Variants in CDH16 observed in about 807,000 individuals in gnomAD.
CDH16 encodes cadherin 16.
CDH16 carries 79 observed loss-of-function variants against 87.6 expected under a neutral mutation model. That is an observed-to-expected ratio of 0.90 (90% CI 0.75 to 1.09). CDH16 has a LOEUF of 1.09. CDH16 is among the 50% of genes least tolerant of loss of function. CDH16 has a pLI of 0.00. For missense variants in CDH16, 1,124 were observed against 1,071.7 expected (o/e 1.05, Z -0.68); for synonymous variants, 457 against 439.5 (o/e 1.04, Z -0.50).
rs1596972978 is a variant in CDH16 at position 66,911,017 on chromosome 16, A to G, written c.1924+165T>C. 4 of 619,166 alleles carry G rather than the reference A, an allele frequency of 6.5e-6. No individual in the cohort carries two copies. The South Asian group carries it at 9.1e-5, about 14-fold the overall frequency. The allele number at this position is 619,166 out of a possible 1,614,324, so 38.4% of individuals were successfully genotyped here. Reference sequence around the variant, plus strand: ...TGCCAGACTTGCCCACCGGAGGAGTAGATCCATTCTCAGAGAGGAACATTG... The same window carrying G: ...TGCCAGACTTGCCCACCGGAGGAGTGGATCCATTCTCAGAGAGGAACATTG... On this transcript the variant is annotated intron_variant, in intron 14 of 17. Transcript: ENST00000299752.
At position 66,916,521 on chromosome 16, in the gene CDH16, A is replaced by G; in HGVS notation, c.130-92T>C. 1 of 1,397,064 alleles carries G rather than the reference A, an allele frequency of 7.2e-7. No individual in the cohort carries two copies. Among genetic ancestry groups the G allele is most frequent in the Non-Finnish European group, 9.5e-7 (1 of 1,050,014 alleles). The allele number at this position is 1,397,064 out of a possible 1,614,324, so 86.5% of individuals were successfully genotyped here. A position where few individuals can be genotyped will look rare whatever the true frequency, so the allele number is the denominator to read the frequency against. On this transcript the variant is annotated intron_variant, in intron 3 of 17. Transcript: ENST00000299752. The surrounding 1 kb of genome is among the most constrained non-coding windows in gnomAD (Gnocchi z 4.1). ...ATGGCCTCATTTTACATGTGGGGAA[A>G]CTGAGTCTCAGAGACATCTGGCTCC...
In CDH16 at chr16:66,914,360, C is replaced by T. The variant is rs764110899; in HGVS notation, c.636G>A (p.Gln212=). Residue 212 remains glutamine, a synonymous_variant, in exon 7 of 18, where the codon CAG becomes CAA. Transcript: ENST00000299752. ...ALERTYQLLV[Q]VKDMGDQASG... is the part of the protein sequence containing the mutation. ...AGGCCTGGTCACCCATGTCCTTGACCTGTACCAACAGCTGGTAGGTCCTCT... is the reference window on the plus strand; with the variant it reads ...AGGCCTGGTCACCCATGTCCTTGACTTGTACCAACAGCTGGTAGGTCCTCT... The T allele has an allele frequency of 1.9e-6, 3 of 1,614,190 alleles. No homozygotes were observed. Among genetic ancestry groups the T allele is most frequent in the Non-Finnish European group, 2.5e-6 (3 of 1,180,034 alleles).
At position 66,909,400 on chromosome 16, in the gene CDH16, G is replaced by A. The variant is rs751997426; in HGVS notation, c.2276-17C>T. 1.9e-5 allele frequency: 28 copies of A among 1,464,482 alleles called. No homozygotes were observed. In the East Asian group the frequency reaches 5.8e-4, roughly 30 times the overall value. 90.7% of individuals were successfully genotyped at this position (1,464,482 alleles called of 1,614,324 possible). A position where few individuals can be genotyped will look rare whatever the true frequency, so the allele number is the denominator to read the frequency against. ...ACACGATCACTGAGGGGAGAGGGGA[G>A]GAAGGTAAGGGGAGGGAGGGGAGGG... On this transcript the variant is annotated splice_polypyrimidine_tract_variant and intron_variant, in intron 16 of 17. Coordinates refer to ENST00000299752, the MANE Select transcript of CDH16 (RefSeq NM_004062.4). The surrounding 1 kb of genome is among the most constrained non-coding windows in gnomAD (Gnocchi z 4.1).
intron 5 of CDH16, 117 bp from the exon 6 acceptor site, chr16:66,915,495 G>A (rs573293364): frequency 3.0e-5 from 35 of 1,148,964 alleles, no homozygotes; most frequent in Admixed American, 8.4e-5. Flanking sequence ...TCAGGACTCC[G>A]GAGATGAGCC....
Position 66,913,157 on chromosome 16 carries a change from A to T in CDH16, c.1028T>A (p.Val343Asp). The T allele has an allele frequency of 6.2e-7, 1 of 1,609,948 alleles. No individual in the cohort carries two copies. The highest frequency in any genetic ancestry group is 8.5e-7 in the Non-Finnish European group (1 of 1,178,146). Reference sequence around the variant, plus strand: ...TGGTGGACTGAGCTCAGGGATGCTGACTGTGGGGTCACGGGGAGGGCAGAT... The same window carrying T: ...TGGTGGACTGAGCTCAGGGATGCTGTCTGTGGGGTCACGGGGAGGGCAGAT... ...VPICPPRDPT[V>D]SIPELSPPGT... is the part of the protein sequence containing the mutation. Residue 343 changes from valine to aspartate, a missense_variant, in exon 9 of 18, where the codon GTC becomes GAC. Transcript: ENST00000299752.
Position 66,916,421 on chromosome 16 carries a change from C to A in CDH16, c.138G>T (p.Leu46=). Residue 46 remains leucine, a synonymous_variant, in exon 4 of 18, where the codon CTG becomes CTT. Coordinates refer to ENST00000299752, the MANE Select transcript of CDH16 (RefSeq NM_004062.4). The surrounding 1 kb of genome is among the most constrained non-coding windows in gnomAD (Gnocchi z 4.1). The part of the protein sequence containing the change: ...NFPLYLTKLP[L]PREGAEGQIV... ...TCTGGCCTTCAGCCCCCTCACGGGG[C>A]AGCGGCAACTGATGGAAATGAACAG... is the stretch of plus-strand genomic sequence containing the variant. 13 of 1,599,636 alleles carry A rather than the reference C, an allele frequency of 8.1e-6. No homozygotes were observed. Among genetic ancestry groups the A allele is most frequent in the Non-Finnish European group, 1.1e-5 (13 of 1,171,194 alleles).
At chr16:66,912,637 G>A (rs1243960742) in intron 10 of CDH16, 27 bp downstream of exon 10, 5 of 1,613,720 alleles carry the variant, frequency 3.1e-6, no homozygotes, top group Non-Finnish European at 4.2e-6. Context: ...GGGACAGGGG[G>A]CCTGGGTCAC....
At chr16:66,918,145 A>T in intron 1 of CDH16, 67 bp from the exon 2 acceptor site, 2 of 1,097,322 alleles carry the variant, frequency 1.8e-6, no homozygotes, top group Non-Finnish European at 2.6e-6. Context: ...CCACACACAC[A>T]ACTAGTGGGA....
intron 7 of CDH16, 87 bp from the exon 8 acceptor site, chr16:66,913,700 C>G: frequency 6.5e-7 from 1 of 1,544,302 alleles, no homozygotes; most frequent in South Asian, 1.2e-5. Context: ...GAGCCTGAGC[C>G]CAACTGTGTG....
At position 66,917,702 on chromosome 16, in the gene CDH16, T is replaced by C; in HGVS notation, c.69A>G (p.Ala23=). ...TTTCTGGAACTTCCACAGACAGCTC[T>C]GCAGGCTGGGCCTTGGGGAGAGCCT... is the stretch of plus-strand genomic sequence containing the variant. ...VPQALPKAQP[A]ELSVEVPENY... is the part of the protein sequence containing the mutation. The change falls in exon 3 of 18, where the codon GCA becomes GCG. Residue 23 remains alanine, a synonymous_variant. Coordinates refer to ENST00000299752, the MANE Select transcript of CDH16 (RefSeq NM_004062.4). 6.2e-7 allele frequency: 1 copy of C among 1,612,986 alleles called. No individual in the cohort carries two copies.
chr16:66,913,812 C>A (rs538676020), intron 7 of CDH16, among the ~76,000 whole-genome samples, 199 bp from the exon 8 acceptor site: 1 of 152,326 alleles, frequency 6.6e-6, no homozygotes, highest in African/African-American at 2.4e-5. Context: ...AAGCCTGGAC[C>A]CTGCCCAAAG....
rs1468718290 is a variant in CDH16 at position 66,913,149 on chromosome 16, G to A, written c.1036C>T (p.Pro346Ser). Residue 346 changes from proline to serine, a missense_variant, in exon 9 of 18, where the codon CCT (proline) becomes TCT (serine). By Grantham distance (74) the Pro-to-Ser change is moderately conservative. Coordinates refer to ENST00000299752, the MANE Select transcript of CDH16 (RefSeq NM_004062.4). ...AGCTCACCTGGTGGACTGAGCTCAGGGATGCTGACTGTGGGGTCACGGGGA... is the reference window on the plus strand; with the variant it reads ...AGCTCACCTGGTGGACTGAGCTCAGAGATGCTGACTGTGGGGTCACGGGGA... The part of the protein sequence containing the change: ...CPPRDPTVSI[P>S]ELSPPGTEVT... 6.2e-7 allele frequency: 1 copy of A among 1,609,624 alleles called. No homozygotes were observed. Among genetic ancestry groups the A allele is most frequent in the Non-Finnish European group, 8.5e-7 (1 of 1,178,054 alleles).
intron 15 of CDH16, 33 bp downstream of exon 15, chr16:66,910,227 G>A: frequency 6.4e-7 from 1 of 1,566,246 alleles, no homozygotes; most frequent in Non-Finnish European, 8.7e-7. Flanking sequence ...CCCTGCCTTG[G>A]CCACAGCCTC....
intron 9 of CDH16, 99 bp downstream of exon 9, chr16:66,913,032 G>A: frequency 7.3e-7 from 1 of 1,362,332 alleles, no homozygotes; most frequent in Non-Finnish European, 1.0e-6. Flanking sequence ...GTTATGGAGG[G>A]ACATTGACAT....
In CDH16 at chr16:66,916,451, G is replaced by C. The variant is rs563654202; in HGVS notation, c.130-22C>G. The C allele has an allele frequency of 1.5e-4, 242 of 1,567,926 alleles. 1 individual carries two copies. In the South Asian group the frequency reaches 2.7e-3, roughly 18 times the overall value. On this transcript the variant is annotated intron_variant, in intron 3 of 17. Coordinates refer to ENST00000299752, the MANE Select transcript of CDH16 (RefSeq NM_004062.4). The surrounding 1 kb of genome is among the most constrained non-coding windows in gnomAD (Gnocchi z 4.1). ...GCAACTGATGGAAATGAACAGAAGT[G>C]AAGGGAGCGGTGGCCAGGCCTGGGA...
Position 66,914,353 on chromosome 16 carries a change from C to G in CDH16, c.643G>C (p.Asp215His). 1 of 1,614,208 alleles carries G rather than the reference C, an allele frequency of 6.2e-7. No homozygotes were observed. Among genetic ancestry groups the G allele is most frequent in the Middle Eastern group, 1.6e-4 (1 of 6,062 alleles). Residue 215 changes from aspartate (D) to histidine (H), a missense_variant, in exon 7 of 18, where the codon GAC becomes CAC. Physicochemically the swap from Asp to His is moderately conservative, Grantham distance 81. Transcript: ENST00000299752. Reference protein sequence around the residue: ...RTYQLLVQVKDMGDQASGHQA... With the variant: ...RTYQLLVQVKHMGDQASGHQA... ...TGGCCTGAGGCCTGGTCACCCATGTCCTTGACCTGTACCAACAGCTGGTAG... is the reference window on the plus strand; with the variant it reads ...TGGCCTGAGGCCTGGTCACCCATGTGCTTGACCTGTACCAACAGCTGGTAG...
rs1567530560 is a variant in CDH16, at chr16:66,910,296, T to G, written c.2131A>C (p.Thr711Pro). ...PYSFTLGPNP[T>P]VQRDWRLQTL... Reference sequence around the variant, plus strand: ...TGGAGGCGCCAATCCCGTTGCACCGTGGGGTTGGGACCAAGGGTGAAGCTG... The same window carrying G: ...TGGAGGCGCCAATCCCGTTGCACCGGGGGGTTGGGACCAAGGGTGAAGCTG... Residue 711 changes from threonine (T) to proline (P), a missense_variant, in exon 15 of 18, where the codon ACG becomes CCG. By Grantham distance (38) the Thr-to-Pro change is conservative. Transcript: ENST00000299752. 6.2e-7 allele frequency: 1 copy of G among 1,612,002 alleles called. No individual in the cohort carries two copies. Among genetic ancestry groups the G allele is most frequent in the African/African-American group, 1.3e-5 (1 of 74,966 alleles).
At chr16:66,917,383 T>A (rs1301066505) in intron 3 of CDH16, among the ~76,000 whole-genome samples, 1 of 152,158 alleles carries the variant, frequency 6.6e-6, no homozygotes, top group Non-Finnish European at 1.5e-5. Context: ...CTATCTAGAT[T>A]TGGGTTCCAT....
chr16:66,912,074 C>A lies in CDH16; in HGVS notation c.1615G>T (p.Val539Leu), dbSNP rs1252192548. 6.2e-7 allele frequency: 1 copy of A among 1,614,058 alleles called. No individual in the cohort carries two copies. Among genetic ancestry groups the A allele is most frequent in the Admixed American group, 1.7e-5 (1 of 60,034 alleles). ...GCTCCAGGGCCTGGGCCTGGCCCCA[C>A]CAGCTTCGCCACACTCTGCACCACC... ...VVVVQSVAKL[V>L]GPGPGPGATA... The change falls in exon 13 of 18, where the codon GTG (valine) becomes TTG (leucine). Residue 539 changes from valine to leucine, a missense_variant. Physicochemically the swap from Val to Leu is conservative, Grantham distance 32 (BLOSUM62 1). Coordinates refer to ENST00000299752, the MANE Select transcript of CDH16 (RefSeq NM_004062.4).
Sources: gnomAD v4.1 joint callset for allele counts (sites outside exome capture counted in the v4.1 genomes callset) on GRCh38, gnomAD v4.1.1 for gene constraint, Gnocchi (gnomAD v3.1) non-coding constraint, MANE v1.5 for transcripts, NCBI Gene and HGNC (gene_info 2026-07-23, HGNC 2026-07-21) for gene names.